Variants in PCDHGA3 observed in about 807,000 individuals in gnomAD.
PCDHGA3 encodes the protein protocadherin gamma subfamily A, 3.
Under a neutral mutation model 58.5 loss-of-function variants are expected in PCDHGA3, and 40 were observed. That is an observed-to-expected ratio of 0.68 (90% CI 0.53 to 0.89). The LOEUF (loss-of-function observed/expected upper bound fraction) is 0.89, where lower values mean the gene tolerates loss of function less well. Among genes scored for constraint, PCDHGA3 ranks in the 40% least tolerant of loss-of-function variants. PCDHGA3 has a pLI of 0.00. For synonymous variants in PCDHGA3, 530 were observed against 525.7 expected (o/e 1.01, Z -0.11); for missense variants, 1,223 against 1,195.9 (o/e 1.02, Z -0.33).
intron 1 of PCDHGA3, chr5:141,423,692 G>T: frequency 7.1e-7 from 1 of 1,405,756 alleles, no homozygotes; most frequent in Non-Finnish European, 9.4e-7. Context: ...CCTAATTGTT[G>T]GTGTCTTGGC....
At chr5:141,414,894 A>T in intron 1 of PCDHGA3, 1 of 1,613,958 alleles carries the variant, frequency 6.2e-7, no homozygotes, top group South Asian at 1.1e-5. Flanking sequence ...CCCTCCCCAC[A>T]GACGGTTCCA....
intron 1 of PCDHGA3, chr5:141,375,224 C>G (rs1771263153): frequency 6.2e-7 from 1 of 1,613,976 alleles, no homozygotes; most frequent in Non-Finnish European, 8.5e-7. Flanking sequence ...CCTGAATGGC[C>G]TGGTAACCTG....
rs757308340 is a variant in PCDHGA3, at chr5:141,487,575, G to A, written c.2425-7232G>A. ...GCACCTATGGCAGGGGAGCCTGTTC[G>A]CCCAAGCTGCCCACCCTCTGATCTT... On this transcript the variant is annotated intron_variant, in intron 1 of 3. Coordinates refer to ENST00000253812, the MANE Select transcript of PCDHGA3 (RefSeq NM_018916.4). This position sits in a 1 kb window ranked among gnomAD's most constrained non-coding sequence, Gnocchi z 5.0. The A allele has an allele frequency of 3.1e-6, 5 of 1,614,018 alleles. No homozygotes were observed. In the African/African-American group the frequency reaches 4.0e-5, roughly 13 times the overall value.
chr5:141,511,537 A>C lies in PCDHGA3; in HGVS notation c.*364A>C. 6.3e-6 allele frequency: 2 copies of C among 319,254 alleles called. No individual in the cohort carries two copies. The highest frequency in any genetic ancestry group is 6.7e-5 in the South Asian group (2 of 29,854). 19.8% of individuals were successfully genotyped at this position (319,254 alleles called of 1,614,324 possible). A position where few individuals can be genotyped will look rare whatever the true frequency, so the allele number is the denominator to read the frequency against. On this transcript the variant is annotated 3_prime_UTR_variant, in exon 4 of 4. Transcript: ENST00000253812. ...TCCATCCCATGCCTCCCTCCTCCCC[A>C]CCCCACTCCAACAGTTCCTCTTTCC... is the stretch of plus-strand genomic sequence containing the variant.
In PCDHGA3 at chr5:141,389,615, G is replaced by A. The variant is rs552257647; in HGVS notation, c.2424+43158G>A. 11 of 1,612,972 alleles carry A rather than the reference G, an allele frequency of 6.8e-6. No individual in the cohort carries two copies. The African/African-American group carries it at 8.0e-5, about 12-fold the overall frequency. On this transcript the variant is annotated intron_variant, in intron 1 of 3. Transcript: ENST00000253812. ...GCTCTGCGCTCTTCGATATGGTGCC[G>A]CACGCTGCAGAGCCTGGCTACTTGG...
At chr5:141,383,365 G>A (rs763555331) in intron 1 of PCDHGA3, 9 of 1,614,014 alleles carry the variant, frequency 5.6e-6, no homozygotes, top group Admixed American at 3.3e-5. Flanking sequence ...TCCGTTAAGC[G>A]AGGCTGGGGA....
chr5:141,375,470 G>A (rs1771485342), intron 1 of PCDHGA3: 1 of 1,613,784 alleles, frequency 6.2e-7, no homozygotes, highest in Admixed American at 1.7e-5. Flanking sequence ...CTATGTCCTT[G>A]AAAACAACCC....
At chr5:141,385,097 C>G in intron 1 of PCDHGA3, 1 of 1,614,192 alleles carries the variant, frequency 6.2e-7, no homozygotes, top group Non-Finnish European at 8.5e-7. Context: ...GGTGGCTTGG[C>G]GAACGTGCCC....
intron 1 of PCDHGA3, chr5:141,372,529 C>G: frequency 6.2e-7 from 1 of 1,614,042 alleles, no homozygotes; most frequent in Non-Finnish European, 8.5e-7. Flanking sequence ...CTGGCAATCT[C>G]CCTGCGCCTG....
At chr5:141,401,561 T>A (rs1436115390) in intron 1 of PCDHGA3, among the ~76,000 whole-genome samples, 1 of 152,230 alleles carries the variant, frequency 6.6e-6, no homozygotes, top group Non-Finnish European at 1.5e-5. Flanking sequence ...ATTGCCTGAA[T>A]TTCTCTTGCT....
intron 1 of PCDHGA3, chr5:141,403,131 C>T: frequency 5.6e-6 from 9 of 1,614,034 alleles, no homozygotes; most frequent in Non-Finnish European, 6.8e-6. Context: ...CGGGAGCTGG[C>T]GGAGCGCCGA....
chr5:141,496,772 T>C (rs994207358), intron 2 of PCDHGA3, among the ~76,000 whole-genome samples: 9 of 152,008 alleles, frequency 5.9e-5, no homozygotes, highest in African/African-American at 1.2e-4. Flanking sequence ...GCATCTACTA[T>C]GAGCAGGGCC....
At chr5:141,352,447 C>T (rs752870909) in intron 1 of PCDHGA3, 2 of 1,614,048 alleles carry the variant, frequency 1.2e-6, no homozygotes, top group Admixed American at 3.3e-5. Flanking sequence ...GTCTCTGCTC[C>T]AAGTCTGGGC....
chr5:141,491,072 C>T lies in PCDHGA3; in HGVS notation c.2425-3735C>T, dbSNP rs778221466. The T allele has an allele frequency of 6.2e-7, 1 of 1,614,204 alleles. No individual in the cohort carries two copies. Among genetic ancestry groups the T allele is most frequent in the South Asian group, 1.1e-5 (1 of 91,086 alleles). On this transcript the variant is annotated intron_variant, in intron 1 of 3. Coordinates refer to ENST00000253812, the MANE Select transcript of PCDHGA3 (RefSeq NM_018916.4). The surrounding 1 kb of genome is among the most constrained non-coding windows in gnomAD (Gnocchi z 6.9). ...GCGTGGCTCTCCTACTCACTGTTGCCACAGTCCACAGCCCCAGGACTGTTC... is the reference window on the plus strand; with the variant it reads ...GCGTGGCTCTCCTACTCACTGTTGCTACAGTCCACAGCCCCAGGACTGTTC...
chr5:141,365,181 A>T lies in PCDHGA3; in HGVS notation c.2424+18724A>T, dbSNP rs549713754. ...AAATTGACCTACTCTTTTCGCAATG[A>T]AGAAGAAAAAATTTCGGAGACTTTC... On this transcript the variant is annotated intron_variant, in intron 1 of 3. Transcript: ENST00000253812. The T allele has an allele frequency of 3.0e-5, 48 of 1,613,864 alleles. No homozygotes were observed. The East Asian group carries it at 1.0e-3, about 35-fold the overall frequency.
At chr5:141,481,913 CA>C (rs34114744) in intron 1 of PCDHGA3, among the ~76,000 whole-genome samples, 39,195 of 90,872 alleles carry the variant, frequency 0.43, 5,902 homozygotes, top group Admixed American at 0.51. Flanking sequence ...AACTCCATCT[CA>C]AAAAAAAAAA....
intron 1 of PCDHGA3, among the ~76,000 whole-genome samples, chr5:141,455,201 CAATAAGAGTTTTT>C (rs1373301624): frequency 6.6e-6 from 1 of 151,722 alleles, no homozygotes; most frequent in Non-Finnish European, 1.5e-5. Flanking sequence ...AATTTACAAC[CAATAAGAGTTTTT>C]AATGCTTTGA....
rs1340590903 is a variant in PCDHGA3, at chr5:141,432,842, G to A, written c.2425-61965G>A. On this transcript the variant is annotated intron_variant, in intron 1 of 3. Coordinates refer to ENST00000253812, the MANE Select transcript of PCDHGA3 (RefSeq NM_018916.4). This position sits in a 1 kb window ranked among gnomAD's most constrained non-coding sequence, Gnocchi z 6.0. ...CTCAGACCTCACTCTGTACCTGGTG[G>A]TAGCGGTGGCCGCGGTCTCCTGCGT... 5 of 1,614,192 alleles carry A rather than the reference G, an allele frequency of 3.1e-6. No individual in the cohort carries two copies. The South Asian group carries it at 4.4e-5, about 14-fold the overall frequency.
chr5:141,350,396 G>T, intron 1 of PCDHGA3: 1 of 1,599,342 alleles, frequency 6.3e-7, no homozygotes, highest in African/African-American at 1.3e-5. Context: ...CTCACGGGTG[G>T]GGAAACTTGC....
Sources: allele counts gnomAD v4.1 joint callset (sites outside exome capture counted in the v4.1 genomes callset), GRCh38; gene constraint gnomAD v4.1.1; non-coding constraint Gnocchi (gnomAD v3.1); transcripts MANE v1.5; gene names NCBI Gene and HGNC (gene_info 2026-07-23, HGNC 2026-07-21).